Variants in PSD3 observed in about 807,000 individuals in gnomAD.
The protein encoded by PSD3 is PH and SEC7 domain-containing protein 3.
PSD3 carries 49 observed loss-of-function variants against 105.5 expected under a neutral mutation model. The ratio of observed to expected loss-of-function variants is 0.46; its 90% confidence interval spans 0.37 to 0.59. The LOEUF is 0.59. Among genes scored for constraint, PSD3 ranks in the 20% least tolerant of loss-of-function variants. The pLI, the probability that PSD3 is intolerant of heterozygous loss-of-function variation, is 0.00. For missense variants in PSD3, 1,561 were observed against 1,263.8 expected, an observed-to-expected ratio of 1.24 and a Z score of -3.57; for synonymous variants, 557 against 457.8, an observed-to-expected ratio of 1.22 and a Z score of -2.77.
intron 1 of PSD3, among the ~76,000 whole-genome samples, chr8:18,996,256 G>A (rs963820432): frequency 1.3e-5 from 2 of 151,844 alleles, no homozygotes; most frequent in Admixed American, 6.6e-5. Flanking sequence ...CTTAATGGAC[G>A]GTGGGGAATC....
chr8:18,634,226 G>C (rs912595652), intron 10 of PSD3, among the ~76,000 whole-genome samples: 1 of 151,986 alleles, frequency 6.6e-6, no homozygotes, highest in African/African-American at 2.4e-5. Context: ...AAAACCAGAA[G>C]TGTTTGATAA....
At chr8:18,782,166 A>T (rs1044681863) in intron 8 of PSD3, among the ~76,000 whole-genome samples, 2 of 151,604 alleles carry the variant, frequency 1.3e-5, no homozygotes, top group Admixed American at 6.6e-5. Flanking sequence ...TATTTCATAG[A>T]TTTTTTTTAA....
In PSD3 at chr8:18,844,997, A is replaced by T. The variant is rs1023377848; in HGVS notation, c.1634+22677T>A. Among the ~76,000 whole-genome samples the T allele has an allele frequency of 2.0e-5, 3 of 152,240 alleles. No individual in the cohort carries two copies. The East Asian group carries it at 5.8e-4, about 29-fold the overall frequency. On this transcript the variant is annotated intron_variant, in intron 4 of 15. Coordinates refer to ENST00000327040, the MANE Select transcript of PSD3 (RefSeq NM_015310.4). ...GAATGTACAGCCATGGATGGCTCAAAGCACGTCATGGGAGTTCAAACTGGC... is the reference window on the plus strand; with the variant it reads ...GAATGTACAGCCATGGATGGCTCAATGCACGTCATGGGAGTTCAAACTGGC...
At chr8:18,637,468 G>A (rs1585460577) in intron 10 of PSD3, among the ~76,000 whole-genome samples, 2 of 152,240 alleles carry the variant, frequency 1.3e-5, no homozygotes, top group South Asian at 4.1e-4. Flanking sequence ...ACTGTTATTT[G>A]GCCAACTCCT....
intron 12 of PSD3, among the ~76,000 whole-genome samples, chr8:18,597,197 G>T (rs1804164147): frequency 1.6e-4 from 1 of 6,304 alleles, no homozygotes; most frequent in Non-Finnish European, 6.3e-4. Flanking sequence ...GGGAAAACTG[G>T]CTAGCCATAT....
intron 1 of PSD3, among the ~76,000 whole-genome samples, chr8:18,951,895 G>A (rs928421233): frequency 1.3e-5 from 2 of 151,992 alleles, no homozygotes; most frequent in African/African-American, 2.4e-5. Context: ...TTTGAACCTG[G>A]GAAGCGGAGG....
intron 12 of PSD3, among the ~76,000 whole-genome samples, chr8:18,580,273 CCA>C (rs1366327231): frequency 3.3e-5 from 5 of 152,054 alleles, no homozygotes; most frequent in African/African-American, 4.8e-5. Flanking sequence ...GCTCCGGGTG[CCA>C]CAGTCTTGGG....
chr8:18,969,802 G>C (rs1824518224), intron 1 of PSD3, among the ~76,000 whole-genome samples: 3 of 151,952 alleles, frequency 2.0e-5, no homozygotes, highest in Admixed American at 2.0e-4. Flanking sequence ...AAATATTTAG[G>C]AGGAAATAAT....
intron 12 of PSD3, among the ~76,000 whole-genome samples, chr8:18,596,797 G>A (rs1212608054): frequency 6.6e-6 from 1 of 152,052 alleles, no homozygotes; most frequent in Non-Finnish European, 1.5e-5. Flanking sequence ...AATCTGAATG[G>A]ATCTGTAATA....
chr8:18,977,990 G>A (rs1022268262), intron 1 of PSD3, among the ~76,000 whole-genome samples: 1 of 152,140 alleles, frequency 6.6e-6, no homozygotes, highest in Non-Finnish European at 1.5e-5. Context: ...ATGATTTACT[G>A]AGAACCCATA....
chr8:18,869,284 G>A (rs752242754), intron 3 of PSD3, among the ~76,000 whole-genome samples: 3 of 146,704 alleles, frequency 2.0e-5, no homozygotes, highest in Non-Finnish European at 3.0e-5. Context: ...CCGCCTCCCA[G>A]GTTCAAGTGA....
At chr8:18,557,025 A>G (rs1801123194) in intron 14 of PSD3, among the ~76,000 whole-genome samples, 2 of 152,244 alleles carry the variant, frequency 1.3e-5, no homozygotes, top group Admixed American at 6.5e-5. Context: ...CCGTGTACCA[A>G]TGCAATATGG....
chr8:18,788,472 A>T (rs990844355), intron 8 of PSD3, among the ~76,000 whole-genome samples: 1 of 152,176 alleles, frequency 6.6e-6, no homozygotes, highest in Non-Finnish European at 1.5e-5. Context: ...CCTAACTTAA[A>T]ATCAGCCCTA....
At chr8:18,983,172 T>C (rs917603678) in intron 1 of PSD3, among the ~76,000 whole-genome samples, 1 of 152,248 alleles carries the variant, frequency 6.6e-6, no homozygotes, top group Admixed American at 6.5e-5. Context: ...CAATGTCTGC[T>C]AGCTTCCAAT....
chr8:18,759,050 T>C (rs929396810), intron 9 of PSD3, among the ~76,000 whole-genome samples: 3 of 146,404 alleles, frequency 2.0e-5, no homozygotes, highest in Non-Finnish European at 3.0e-5. Flanking sequence ...AGCATACTGA[T>C]TTACATCCTT....
chr8:18,753,587 C>T (rs940660772), intron 9 of PSD3, among the ~76,000 whole-genome samples: 5 of 151,982 alleles, frequency 3.3e-5, no homozygotes, highest in Non-Finnish European at 7.4e-5. Flanking sequence ...TTAAAACAAG[C>T]AAATAAAATG....
chr8:18,731,785 G>A (rs1374426848), intron 9 of PSD3, among the ~76,000 whole-genome samples: 1 of 152,110 alleles, frequency 6.6e-6, no homozygotes, highest in Non-Finnish European at 1.5e-5. Context: ...AGGTTTTCCT[G>A]GGAACACTTG....
chr8:18,605,497 T>C (rs563914058), intron 11 of PSD3, among the ~76,000 whole-genome samples: 1 of 152,318 alleles, frequency 6.6e-6, no homozygotes, highest in South Asian at 2.1e-4. Context: ...TAGAAGGAAC[T>C]AGCTTTGTCT....
Position 18,731,118 on chromosome 8 carries a change from T to C in PSD3, c.2172+34331A>G, listed in dbSNP as rs1843964. On this transcript the variant is annotated intron_variant, in intron 9 of 15. Coordinates refer to ENST00000327040, the MANE Select transcript of PSD3 (RefSeq NM_015310.4). ...TAAAAATACAAAAATTAGCTGGACG[T>C]GGGGGCGGGCAGCTGAAATCCCAGC... Among the ~76,000 whole-genome samples the C allele has an allele frequency of 5.5e-5, 8 of 146,686 alleles. No individual in the cohort carries two copies. In the East Asian group the frequency reaches 1.4e-3, roughly 26 times the overall value.
Sources: allele counts gnomAD v4.1 joint callset (sites outside exome capture counted in the v4.1 genomes callset), GRCh38; gene constraint gnomAD v4.1.1; transcripts MANE v1.5; gene names NCBI Gene and HGNC (gene_info 2026-07-23, HGNC 2026-07-21).